NME8: variants seen among roughly 807,000 people sequenced by gnomAD.
NME8 encodes the protein protein NME8.
A neutral mutation model predicts 82.3 loss-of-function variants in NME8; 72 were observed. The ratio of observed to expected loss-of-function variants is 0.87; its 90% CI spans 0.72 to 1.06. The LOEUF is 1.06. NME8 is among the 50% of genes least tolerant of loss of function. The pLI, the probability that NME8 is intolerant of heterozygous loss-of-function variation, is 0.00. For missense variants in NME8, 712 were observed against 685.4 expected (o/e 1.04, Z -0.43); for synonymous variants, 267 against 228.5 (o/e 1.17, Z -1.52).
rs944993603 is a variant in NME8 at position 37,863,439 on chromosome 7, A to G, written c.431A>G (p.Glu144Gly). The change falls in exon 8 of 18, where the codon GAA becomes GGA. Residue 144 changes from glutamate (E) to glycine (G), a missense_variant. Glu to Gly is a moderately conservative substitution (Grantham distance 98). Coordinates refer to ENST00000199447, the MANE Select transcript of NME8 (RefSeq NM_016616.5). ...GTAGACTCAGATTCAGAAGTTAGTG[A>G]AGAATCACCATGTGAAAGTGTTCGT... ...PLVDSDSEVS[E>G]ESPCESVQEL... 3 of 1,600,694 alleles carry G rather than the reference A, an allele frequency of 1.9e-6. No homozygotes were observed. The highest frequency in any genetic ancestry group is 2.6e-6 in the Non-Finnish European group (3 of 1,167,832).
chr7:37,868,227 C>T (rs1305257860), intron 11 of NME8, among the ~76,000 whole-genome samples: 9 of 152,068 alleles, frequency 5.9e-5, no homozygotes, highest in Admixed American at 4.6e-4. Flanking sequence ...GGACTGAGCT[C>T]GCCATGGTGG....
chr7:37,896,864 T>G lies in NME8; in HGVS notation c.1545-6T>G. The G allele has an allele frequency of 6.2e-7, 1 of 1,612,984 alleles. No homozygotes were observed. The highest frequency in any genetic ancestry group is 8.5e-7 in the Non-Finnish European group (1 of 1,179,040). On this transcript the variant is annotated splice_polypyrimidine_tract_variant and splice_region_variant and intron_variant, in intron 16 of 17. Transcript: ENST00000199447. ...CTGGGTCTTCTGAAAGCACCGTTCTTTGCAGGGGTCCATCTATGGTCATGA... is the reference window on the plus strand; with the variant it reads ...CTGGGTCTTCTGAAAGCACCGTTCTGTGCAGGGGTCCATCTATGGTCATGA...
intron 6 of NME8, among the ~76,000 whole-genome samples, chr7:37,858,381 GT>G (rs1356430199): frequency 1.5e-4 from 23 of 152,312 alleles, no homozygotes; most frequent in African/African-American, 5.5e-4. Flanking sequence ...GCATTGAATG[GT>G]AAAAAATGCA....
chr7:37,850,336 A>G (rs555707678), intron 3 of NME8, 37 bp downstream of exon 3: 16 of 1,614,058 alleles, frequency 9.9e-6, no homozygotes, highest in Non-Finnish European at 1.3e-5. Context: ...TATCTGGTGC[A>G]CTAGTGCTTG....
Position 37,888,258 on chromosome 7 carries a change from C to T in NME8, c.1248-19C>T. 6.2e-7 allele frequency: 1 copy of T among 1,612,700 alleles called. No individual in the cohort carries two copies. The highest frequency in any genetic ancestry group is 1.1e-5 in the South Asian group (1 of 91,066). ...CTGTTCTGTTCTAATAGCTTTTAAA[C>T]CTGACTTCTTTTTCAAAGTTTATGT... is the stretch of plus-strand genomic sequence containing the variant. On this transcript the variant is annotated intron_variant, in intron 14 of 17. Coordinates refer to ENST00000199447, the MANE Select transcript of NME8 (RefSeq NM_016616.5).
Position 37,876,834 on chromosome 7 carries a change from T to C in NME8, c.821T>C (p.Leu274Ser). 6.2e-7 allele frequency: 1 copy of C among 1,609,852 alleles called. No homozygotes were observed. Among genetic ancestry groups the C allele is most frequent in the South Asian group, 1.1e-5 (1 of 90,766 alleles). The change falls in exon 12 of 18, where the codon TTA becomes TCA. Residue 274 changes from leucine (L) to serine (S), a missense_variant and splice_region_variant. Transcript: ENST00000199447. ...AATTATATTTTGGATTTTGACAGTT[T>C]ACAAGAATATCTGGAAAGACAACAT... ...PGMMKNKQDS[L>S]QEYLERQHLA...
intron 12 of NME8, among the ~76,000 whole-genome samples, chr7:37,880,003 T>A (rs1315437040): frequency 3.3e-5 from 5 of 152,204 alleles, no homozygotes; most frequent in Non-Finnish European, 7.3e-5. Context: ...TCTTCTTTGA[T>A]GATGTGTTGT....
At chr7:37,858,196 A>C (rs1784541393) in intron 6 of NME8, among the ~76,000 whole-genome samples, 1 of 152,198 alleles carries the variant, frequency 6.6e-6, no homozygotes, top group Non-Finnish European at 1.5e-5. Context: ...GAAGAAAGAA[A>C]GCCTTCACGG....
At chr7:37,857,239 T>C (rs558885140) in intron 5 of NME8, 35 bp from the exon 6 acceptor site, 20 of 1,485,842 alleles carry the variant, frequency 1.3e-5, no homozygotes, top group Non-Finnish European at 1.8e-5. Context: ...AATATAGTTT[T>C]ATTTATTATT....
intron 11 of NME8, among the ~76,000 whole-genome samples, chr7:37,875,272 A>C (rs937574137): frequency 6.6e-6 from 1 of 152,228 alleles, no homozygotes; most frequent in Non-Finnish European, 1.5e-5. Context: ...AGATGGTATT[A>C]GAAAATTGGT....
chr7:37,856,275 T>C (rs1026674114), intron 5 of NME8, among the ~76,000 whole-genome samples: 1 of 152,192 alleles, frequency 6.6e-6, no homozygotes, highest in African/African-American at 2.4e-5. Context: ...GTGGTGATAT[T>C]TGGAGATGGA....
At chr7:37,852,252 T>C (rs1784448380) in intron 5 of NME8, among the ~76,000 whole-genome samples, 1 of 152,188 alleles carries the variant, frequency 6.6e-6, no homozygotes, top group Non-Finnish European at 1.5e-5. Flanking sequence ...AGTTCTCATA[T>C]ATCCCCTATC....
intron 6 of NME8, among the ~76,000 whole-genome samples, chr7:37,861,397 C>T (rs537038516): frequency 2.0e-5 from 3 of 152,234 alleles, no homozygotes; most frequent in South Asian, 2.1e-4. Flanking sequence ...TATTTTAAAC[C>T]AAGAATCACT....
Position 37,864,385 on chromosome 7 carries a change from T to C in NME8, c.492T>C (p.Ala164=). ...LYSIAIIKPD[A]VISKKVLEIK... The stretch of plus-strand genomic sequence containing the variant: ...GTATTGCTATTATCAAACCGGATGC[T>C]GTGATTAGTAAAAAAGTTCTAGAAA... The change falls in exon 9 of 18, where the codon GCT becomes GCC. Residue 164 remains alanine (A), a synonymous_variant. Coordinates refer to ENST00000199447, the MANE Select transcript of NME8 (RefSeq NM_016616.5). 6.3e-7 allele frequency: 1 copy of C among 1,590,122 alleles called. No individual in the cohort carries two copies. Among genetic ancestry groups the C allele is most frequent in the Non-Finnish European group, 8.6e-7 (1 of 1,161,536 alleles).
rs894717795 is a variant in NME8 at position 37,896,934 on chromosome 7, G to A, written c.1609G>A (p.Gly537Ser). The change falls in exon 17 of 18, where the codon GGC becomes AGC. Residue 537 changes from glycine (G) to serine (S), a missense_variant. By Grantham distance (56) the Gly-to-Ser change is moderately conservative (BLOSUM62 0). Coordinates refer to ENST00000199447, the MANE Select transcript of NME8 (RefSeq NM_016616.5). ...TGTTGCAGAATGGAGACGATTGATG[G>A]GCCCAACAGACCCAGAAGAAGCAAA... ...NAVAEWRRLM[G>S]PTDPEEAKLL... 3 of 1,613,652 alleles carry A rather than the reference G, an allele frequency of 1.9e-6. No individual in the cohort carries two copies. In the African/African-American group the frequency reaches 4.0e-5, roughly 22 times the overall value.
chr7:37,882,600 AGAGAGAG>A (rs1784973326), intron 12 of NME8, among the ~76,000 whole-genome samples: 2 of 79,952 alleles, frequency 2.5e-5, no homozygotes, highest in Non-Finnish European at 5.5e-5. Context: ...AGAAAGAAAG[AGAGAGAG>A]AGAGAGAGAA....
intron 5 of NME8, among the ~76,000 whole-genome samples, chr7:37,851,167 TA>T (rs546962953): frequency 1.3e-3 from 192 of 152,322 alleles, no homozygotes; most frequent in Admixed American, 3.6e-3. Context: ...AATAAGGGAT[TA>T]AAATATTATA....
rs567631864 is a variant in NME8 at position 37,866,552 on chromosome 7, G to A, written c.621+935G>A. 2.1e-3 allele frequency among the ~76,000 whole-genome samples: 326 copies of A among 152,280 alleles called. 1 individual carries two copies. Among genetic ancestry groups the A allele is most frequent in the Non-Finnish European group, 3.5e-3 (240 of 68,022 alleles). ...AGAAATATGTGTTTTAACAAGCCCC[G>A]TAGATGACTTGGAAACATCCTAAAT... On this transcript the variant is annotated intron_variant, in intron 10 of 17. Transcript: ENST00000199447.
At chr7:37,860,556 T>C (rs2131945981) in intron 6 of NME8, among the ~76,000 whole-genome samples, 1 of 152,332 alleles carries the variant, frequency 6.6e-6, no homozygotes, top group East Asian at 1.9e-4. Flanking sequence ...CTCTGTTCCT[T>C]TGGCAAATTC....
Sources: gnomAD v4.1 joint callset for allele counts (sites outside exome capture counted in the v4.1 genomes callset) on GRCh38, gnomAD v4.1.1 for gene constraint, MANE v1.5 for transcripts, NCBI Gene and HGNC (gene_info 2026-07-23, HGNC 2026-07-21) for gene names.